DNAH12: variants seen among roughly 807,000 people sequenced by gnomAD.
The protein encoded by DNAH12 is axonemal beta dynein heavy chain 12.
In DNAH12, 285 loss-of-function variants were observed where a neutral mutation model predicts 371.5. That is an observed-to-expected ratio of 0.77 (90% CI 0.70 to 0.85). The LOEUF (loss-of-function observed/expected upper bound fraction) is 0.85, where lower values mean the gene tolerates loss of function less well. Among genes scored for constraint, DNAH12 ranks in the 40% least tolerant of loss-of-function variants. The probability of loss-of-function intolerance (pLI) is 0.00; values close to 1 mark genes in which losing one functional copy is unlikely to be tolerated. For synonymous variants in DNAH12, 1,200 were observed against 1,213.0 expected (o/e 0.99, Z 0.22); for missense variants, 3,611 against 3,689.4 (o/e 0.98, Z 0.55).
At chr3:57,480,611 A>G (rs2066705351) in intron 13 of DNAH12, among the ~76,000 whole-genome samples, 2 of 151,920 alleles carry the variant, frequency 1.3e-5, no homozygotes, top group South Asian at 4.2e-4. Flanking sequence ...GGGAAGAGAC[A>G]CAACAAAAGA....
intron 25 of DNAH12, among the ~76,000 whole-genome samples, chr3:57,448,256 T>C (rs1316771876): frequency 6.6e-6 from 1 of 152,140 alleles, no homozygotes; most frequent in Non-Finnish European, 1.5e-5. Flanking sequence ...AGTTTCTTCC[T>C]TCTGGTGGGT....
intron 2 of DNAH12, chr3:57,536,104 G>A (rs2069032914): frequency 6.6e-6 from 1 of 152,144 alleles, no homozygotes; most frequent in South Asian, 2.1e-4. Context: ...CAAAGTGCTG[G>A]GATTACAAGC....
At chr3:57,379,566 T>A (rs2063344242) in intron 51 of DNAH12, among the ~76,000 whole-genome samples, 1 of 151,824 alleles carries the variant, frequency 6.6e-6, no homozygotes, top group African/African-American at 2.4e-5. Context: ...TTAGGCTGGG[T>A]GCAGTGGCTC....
intron 50 of DNAH12, among the ~76,000 whole-genome samples, chr3:57,381,236 G>GGTGTGTGTGT (rs1335752008): frequency 2.0e-5 from 3 of 149,242 alleles, no homozygotes. Flanking sequence ...CTGATAGGGA[G>GGTGTGTGTGT]GTGTGTGTGT....
Position 57,428,434 on chromosome 3 carries a change from T to C in DNAH12, c.5253+199A>G, listed in dbSNP as rs1413664061. ...TAAAATTTTAGACACTATGGTTGTA[T>C]ACAAATAGTTTAGCTGGAATAATTC... On this transcript the variant is annotated intron_variant, in intron 34 of 73. Transcript: ENST00000495027. The C allele has an allele frequency of 3.3e-6, 5 of 1,524,322 alleles. No homozygotes were observed. In the African/African-American group the frequency reaches 6.9e-5, roughly 21 times the overall value. 94.4% of individuals were successfully genotyped at this position (1,524,322 alleles called of 1,614,324 possible). A position where few individuals can be genotyped will look rare whatever the true frequency, so the allele number is the denominator to read the frequency against.
intron 11 of DNAH12, chr3:57,498,417 A>G: frequency 1.4e-6 from 1 of 701,116 alleles, no homozygotes; most frequent in South Asian, 1.5e-5. Context: ...CCTAGGCTCC[A>G]GTAATCCTTT....
At chr3:57,420,938 A>G (rs2064559270) in intron 36 of DNAH12, among the ~76,000 whole-genome samples, 1 of 151,696 alleles carries the variant, frequency 6.6e-6, no homozygotes, top group Non-Finnish European at 1.5e-5. Context: ...AAAGAAAGAA[A>G]TAAAGAATAT....
chr3:57,384,304 A>C (rs924721419), intron 49 of DNAH12, among the ~76,000 whole-genome samples: 1 of 152,016 alleles, frequency 6.6e-6, no homozygotes, highest in Non-Finnish European at 1.5e-5. Context: ...TCTCATTCCC[A>C]CTAGAATATC....
At chr3:57,315,506 T>C (rs973073854) in intron 65 of DNAH12, among the ~76,000 whole-genome samples, 4 of 151,632 alleles carry the variant, frequency 2.6e-5, no homozygotes, top group African/African-American at 9.7e-5. Context: ...TTTCTACATA[T>C]TTTTAAATAG....
chr3:57,314,427 C>A, intron 66 of DNAH12, 67 bp downstream of exon 66: 2 of 1,539,138 alleles, frequency 1.3e-6, no homozygotes, highest in Admixed American at 2.1e-5. Context: ...CTATTCCAAG[C>A]AAAAGACTTG....
intron 47 of DNAH12, 47 bp downstream of exon 47, chr3:57,386,394 A>G (rs2063500172): frequency 1.3e-5 from 2 of 152,166 alleles, no homozygotes; most frequent in African/African-American, 2.4e-5. Context: ...ATTATTTCTT[A>G]TACTTCTCAG....
At chr3:57,354,357 G>A (rs1419146465) in intron 59 of DNAH12, among the ~76,000 whole-genome samples, 2 of 152,062 alleles carry the variant, frequency 1.3e-5, no homozygotes, top group African/African-American at 4.8e-5. Context: ...GTGGAGAGTA[G>A]GAGGACGGTG....
chr3:57,429,335 C>G (rs2064883960), intron 33 of DNAH12, among the ~76,000 whole-genome samples: 1 of 152,148 alleles, frequency 6.6e-6, no homozygotes, highest in Non-Finnish European at 1.5e-5. Flanking sequence ...CACCACCATG[C>G]CTGGCTAATT....
intron 8 of DNAH12, among the ~76,000 whole-genome samples, chr3:57,504,664 A>C (rs1325365655): frequency 6.6e-6 from 1 of 152,206 alleles, no homozygotes; most frequent in Non-Finnish European, 1.5e-5. Context: ...CTGATACAGG[A>C]ATGTAATGTG....
Position 57,451,782 on chromosome 3 carries a change from T to G in DNAH12, c.3786+1061A>C, listed in dbSNP as rs148778902. On this transcript the variant is annotated intron_variant, in intron 25 of 73. Transcript: ENST00000495027. ...ATGGTCAGGTGTTGTTAACTGTCTC[T>G]CTAAAGTAATAATTGGTCACAGCTG... Among the ~76,000 whole-genome samples, 618 of 152,252 alleles carry G rather than the reference T, an allele frequency of 4.1e-3. 7 individuals carry two copies. The highest frequency in any genetic ancestry group is 0.014 in the African/African-American group (601 of 41,532).
intron 69 of DNAH12, among the ~76,000 whole-genome samples, chr3:57,305,213 T>C (rs1279446977): frequency 1.6e-4 from 24 of 152,116 alleles, no homozygotes; most frequent in Admixed American, 9.2e-4. Flanking sequence ...CCCTAGTCTC[T>C]GTTCCCGATG....
intron 34 of DNAH12, among the ~76,000 whole-genome samples, chr3:57,426,989 A>G (rs2064791111): frequency 6.6e-6 from 1 of 152,142 alleles, no homozygotes; most frequent in Non-Finnish European, 1.5e-5. Context: ...TTTCTCTATG[A>G]AGACACTATA....
intron 43 of DNAH12, among the ~76,000 whole-genome samples, chr3:57,396,115 C>T (rs1468533420): frequency 2.7e-5 from 4 of 150,186 alleles, no homozygotes; most frequent in Non-Finnish European, 3.0e-5. Flanking sequence ...CCTATCTCTA[C>T]GAAAAATACA....
intron 16 of DNAH12, among the ~76,000 whole-genome samples, chr3:57,469,248 G>A (rs903400424): frequency 1.3e-5 from 2 of 152,148 alleles, no homozygotes; most frequent in Non-Finnish European, 2.9e-5. Flanking sequence ...TCACATTAGA[G>A]AAATGCAAAT....
Sources: gnomAD v4.1 joint callset for allele counts (sites outside exome capture counted in the v4.1 genomes callset) on GRCh38, gnomAD v4.1.1 for gene constraint, MANE v1.5 for transcripts, NCBI Gene and HGNC (gene_info 2026-07-23, HGNC 2026-07-21) for gene names.